MGAT4C: variants seen among roughly 807,000 people sequenced by gnomAD.
MGAT4C encodes MGAT4 family member C.
A neutral mutation model predicts 40.1 loss-of-function variants in MGAT4C; 19 were observed. The ratio of observed to expected loss-of-function variants is 0.47; its 90% CI spans 0.33 to 0.70. MGAT4C has a LOEUF of 0.70. MGAT4C is among the 30% of genes least tolerant of loss of function. The pLI is 0.02. For synonymous variants in MGAT4C, 181 were observed against 187.1 expected (o/e 0.97, Z 0.27); for missense variants, 491 against 563.2 (o/e 0.87, Z 1.30).
intron 1 of MGAT4C, among the ~76,000 whole-genome samples, chr12:86,103,352 C>G (rs1875479598): frequency 6.6e-6 from 1 of 152,082 alleles, no homozygotes; most frequent in South Asian, 2.1e-4. Context: ...GGATTTCTTT[C>G]TAAGAGGGAT....
chr12:86,452,094 G>A (rs1051462387), intron 2 of MGAT4C, among the ~76,000 whole-genome samples: 1 of 151,964 alleles, frequency 6.6e-6, no homozygotes, highest in African/African-American at 2.4e-5. Context: ...ACCTGATTCA[G>A]TTGAGGCTGA....
At chr12:86,713,266 G>T (rs996509314) in intron 2 of MGAT4C, among the ~76,000 whole-genome samples, 1 of 152,068 alleles carries the variant, frequency 6.6e-6, no homozygotes, top group Non-Finnish European at 1.5e-5. Context: ...CTATGAGACT[G>T]TACAACTCCC....
chr12:86,679,166 T>C (rs1267521165), intron 2 of MGAT4C, among the ~76,000 whole-genome samples: 3 of 152,194 alleles, frequency 2.0e-5, no homozygotes, highest in African/African-American at 7.2e-5. Flanking sequence ...TGATTTGCAT[T>C]TTTCTGATAG....
rs374956187 is a variant in MGAT4C, at chr12:86,389,718, T to A, written c.-120+45439A>T. ...TCACTGAAACTACTGGGTGTAAGTA[T>A]CAAATTATTATGTTTTACAGTATGT... On this transcript the variant is annotated intron_variant, in intron 3 of 7. Transcript: ENST00000548651. Among the ~76,000 whole-genome samples, 5 of 152,322 alleles carry A rather than the reference T, an allele frequency of 3.3e-5. No homozygotes were observed. The East Asian group carries it at 9.7e-4, about 29-fold the overall frequency.
intron 1 of MGAT4C, among the ~76,000 whole-genome samples, chr12:86,151,080 C>A (rs779966573): frequency 3.3e-5 from 5 of 152,142 alleles, no homozygotes; most frequent in Admixed American, 6.5e-5. Context: ...ACCTTTACTG[C>A]TCAGACTGGT....
upstream of MGAT4C, among the ~76,000 whole-genome samples, chr12:86,258,496 C>T (rs1952588650): frequency 6.6e-6 from 1 of 152,012 alleles, no homozygotes; most frequent in Admixed American, 6.6e-5. Context: ...AACTTAAATA[C>T]TCCTAGGGCT....
intron 3 of MGAT4C, among the ~76,000 whole-genome samples, chr12:86,392,476 TAAC>T (rs145566549): frequency 9.2e-5 from 14 of 151,676 alleles, no homozygotes; most frequent in African/African-American, 1.5e-4. Context: ...CTGTCAAAAA[TAAC>T]AACAACAACA....
At chr12:86,609,816 G>GC (rs1962185220) in intron 2 of MGAT4C, among the ~76,000 whole-genome samples, 1 of 150,146 alleles carries the variant, frequency 6.7e-6, no homozygotes, top group Admixed American at 6.6e-5. Context: ...TGCAAACAAG[G>GC]CCGTAGACAT....
chr12:86,567,480 C>T (rs1473604755), intron 2 of MGAT4C, among the ~76,000 whole-genome samples: 1 of 152,090 alleles, frequency 6.6e-6, no homozygotes. Context: ...TACTACTCAA[C>T]AATTAGGATA....
At position 86,371,516 on chromosome 12, in the gene MGAT4C, C is replaced by G. The variant is rs551392252; in HGVS notation, c.-119-37389G>C. On this transcript the variant is annotated intron_variant, in intron 3 of 7. Transcript: ENST00000548651. ...ACCCTAAGCCAGTGGTAGAACACCC[C>G]TCACTAGGTAACAGTGACTGGCCTC... 3.9e-5 allele frequency among the ~76,000 whole-genome samples: 6 copies of G among 152,102 alleles called. No homozygotes were observed. The South Asian group carries it at 1.2e-3, about 32-fold the overall frequency.
intron 1 of MGAT4C, among the ~76,000 whole-genome samples, chr12:86,241,953 G>T (rs918369018): frequency 6.6e-6 from 1 of 151,992 alleles, no homozygotes; most frequent in East Asian, 1.9e-4. Flanking sequence ...GACTAGGGGA[G>T]GGGGGGAAAT....
At chr12:86,399,977 C>T (rs1956327066) in intron 3 of MGAT4C, among the ~76,000 whole-genome samples, 1 of 152,150 alleles carries the variant, frequency 6.6e-6, no homozygotes, top group South Asian at 2.1e-4. Context: ...GTCAAAAGCA[C>T]AGGTAAAGCA....
chr12:86,197,572 T>C (rs1259480739), intron 1 of MGAT4C, among the ~76,000 whole-genome samples: 1 of 152,148 alleles, frequency 6.6e-6, no homozygotes, highest in East Asian at 1.9e-4. Context: ...CATCAAAACC[T>C]GACCATGTTG....
At chr12:86,814,242 G>A (rs976361639) in intron 1 of MGAT4C, among the ~76,000 whole-genome samples, 4 of 145,300 alleles carry the variant, frequency 2.8e-5, no homozygotes, top group African/African-American at 7.6e-5. Context: ...TGGCATATAC[G>A]TGTATATATA....
chr12:86,398,402 T>C (rs1956297188), intron 3 of MGAT4C, among the ~76,000 whole-genome samples: 2 of 152,180 alleles, frequency 1.3e-5, no homozygotes, highest in Admixed American at 6.5e-5. Context: ...TCTGTTGCAA[T>C]TTAATCTGCA....
chr12:86,426,496 G>C (rs916734855), intron 3 of MGAT4C, among the ~76,000 whole-genome samples: 1 of 151,996 alleles, frequency 6.6e-6, no homozygotes, highest in African/African-American at 2.4e-5. Context: ...ATACAAATAA[G>C]GAAACAAAGG....
intron 1 of MGAT4C, among the ~76,000 whole-genome samples, chr12:86,832,327 G>A: frequency 6.6e-6 from 1 of 151,724 alleles, no homozygotes; most frequent in African/African-American, 2.4e-5. Flanking sequence ...ACTAAGCATG[G>A]ACTTATTTAC....
intron 3 of MGAT4C, among the ~76,000 whole-genome samples, chr12:86,410,463 A>T (rs1237117553): frequency 1.3e-5 from 2 of 152,176 alleles, no homozygotes; most frequent in African/African-American, 4.8e-5. Flanking sequence ...CTCTGCAATA[A>T]GAAAAAATAT....
chr12:86,604,125 T>G (rs371103558), intron 2 of MGAT4C, among the ~76,000 whole-genome samples: 4 of 152,044 alleles, frequency 2.6e-5, no homozygotes, highest in African/African-American at 9.7e-5. Flanking sequence ...AATCAACGGA[T>G]AGCCTGGTTG....
Sources: allele counts gnomAD v4.1 joint callset (sites outside exome capture counted in the v4.1 genomes callset), GRCh38; gene constraint gnomAD v4.1.1; transcripts MANE v1.5; gene names NCBI Gene and HGNC (gene_info 2026-07-23, HGNC 2026-07-21).